AFF3: variants seen among roughly 807,000 people sequenced by gnomAD.
AFF3 encodes AF4/FMR2 family member 3.
A neutral mutation model predicts 129.7 loss-of-function variants in AFF3; 32 were observed. That is an observed-to-expected ratio of 0.25 (90% CI 0.19 to 0.33). The LOEUF (loss-of-function observed/expected upper bound fraction) is 0.33. Among genes scored for constraint, AFF3 ranks in the 10% least tolerant of loss-of-function variants. The probability of loss-of-function intolerance (pLI) is 1.00; values close to 1 mark genes in which losing one functional copy is unlikely to be tolerated. For synonymous variants in AFF3, 644 were observed against 635.4 expected (o/e 1.01, Z -0.20); for missense variants, 1,373 against 1,592.0 (o/e 0.86, Z 2.34).
intron 8 of AFF3, among the ~76,000 whole-genome samples, chr2:99,752,702 A>G (rs1269583511): frequency 2.0e-5 from 3 of 152,222 alleles, no homozygotes; most frequent in African/African-American, 7.2e-5. Flanking sequence ...AACTTTATGA[A>G]TCTTTATTAG....
At chr2:99,726,272 CA>C (rs1196275089) in intron 11 of AFF3, among the ~76,000 whole-genome samples, 6 of 152,256 alleles carry the variant, frequency 3.9e-5, no homozygotes, top group Middle Eastern at 3.4e-3. Flanking sequence ...AACTGATTTC[CA>C]ATCAACAGCA....
At chr2:99,994,820 C>T (rs1257936621) in intron 7 of AFF3, among the ~76,000 whole-genome samples, 1 of 152,088 alleles carries the variant, frequency 6.6e-6, no homozygotes, top group African/African-American at 2.4e-5. Context: ...CACTGATCTG[C>T]CTGACATCAT....
At chr2:99,554,147 G>A (rs1187100043) in intron 24 of AFF3, among the ~76,000 whole-genome samples, 164 bp downstream of exon 24, 1 of 152,124 alleles carries the variant, frequency 6.6e-6, no homozygotes, top group East Asian at 1.9e-4. Context: ...CATAAAGGGT[G>A]TTTTTGAACT....
At chr2:100,078,273 C>T (rs1445688882) in intron 4 of AFF3, among the ~76,000 whole-genome samples, 1 of 152,164 alleles carries the variant, frequency 6.6e-6, no homozygotes, top group Non-Finnish European at 1.5e-5. Context: ...GCAGAAGATA[C>T]TGTAAGCGAA....
At chr2:99,960,225 T>C (rs1005971336) in intron 7 of AFF3, among the ~76,000 whole-genome samples, 1 of 152,186 alleles carries the variant, frequency 6.6e-6, no homozygotes, top group Non-Finnish European at 1.5e-5. Context: ...AAAATCCTTC[T>C]TTGATGGGCA....
intron 8 of AFF3, among the ~76,000 whole-genome samples, chr2:99,816,201 T>C (rs1303074257): frequency 6.6e-6 from 1 of 152,214 alleles, no homozygotes. Flanking sequence ...TATTTGGCTC[T>C]CTCTTGTAGT....
chr2:100,063,252 CAAAAA>C (rs33964775), intron 4 of AFF3, among the ~76,000 whole-genome samples: 1 of 101,814 alleles, frequency 9.8e-6, no homozygotes, highest in Admixed American at 1.2e-4. Flanking sequence ...AACTCCATCT[CAAAAA>C]AAAAAAAAAA....
At chr2:99,594,962 TG>T (rs1679140610) in intron 14 of AFF3, among the ~76,000 whole-genome samples, 1 of 152,210 alleles carries the variant, frequency 6.6e-6, no homozygotes, top group South Asian at 2.1e-4. Flanking sequence ...GGAGGTGAGA[TG>T]GAACACTTTC....
chr2:99,599,141 T>G (rs1679571767), intron 14 of AFF3, among the ~76,000 whole-genome samples: 1 of 152,256 alleles, frequency 6.6e-6, no homozygotes, highest in Admixed American at 6.5e-5. Flanking sequence ...TGATAGCTGC[T>G]GGAAGAAATG....
At chr2:99,740,822 G>T (rs1214196007) in intron 10 of AFF3, among the ~76,000 whole-genome samples, 1 of 152,080 alleles carries the variant, frequency 6.6e-6, no homozygotes, top group Admixed American at 6.6e-5. Flanking sequence ...AGTTTAATTA[G>T]ATGCCATTTG....
chr2:99,829,197 G>A (rs1688332010), intron 8 of AFF3, among the ~76,000 whole-genome samples: 1 of 152,060 alleles, frequency 6.6e-6, no homozygotes, highest in Non-Finnish European at 1.5e-5. Context: ...AATAAAACCA[G>A]AAAAATACCA....
chr2:99,894,139 A>C (rs1693763887), intron 7 of AFF3, among the ~76,000 whole-genome samples: 1 of 152,152 alleles, frequency 6.6e-6, no homozygotes, highest in Non-Finnish European at 1.5e-5. Flanking sequence ...ACTAGGCATA[A>C]ATGGGTTAAA....
At chr2:99,914,310 A>G (rs1184511839) in intron 7 of AFF3, among the ~76,000 whole-genome samples, 2 of 152,220 alleles carry the variant, frequency 1.3e-5, no homozygotes, top group African/African-American at 4.8e-5. Flanking sequence ...AAACTGAAGA[A>G]AAGTCTGAAA....
At chr2:99,613,456 T>C (rs1681123160) in intron 13 of AFF3, among the ~76,000 whole-genome samples, 1 of 152,160 alleles carries the variant, frequency 6.6e-6, no homozygotes, top group East Asian at 1.9e-4. Flanking sequence ...AATTTTTGAA[T>C]TTTTTTCCCA....
chr2:99,594,336 C>A, intron 14 of AFF3, 47 bp from the exon 15 acceptor site: 1 of 1,558,980 alleles, frequency 6.4e-7, no homozygotes, highest in South Asian at 1.2e-5. Context: ...TCATTACAGG[C>A]TCACTTAAAA....
chr2:99,611,843 C>A (rs971064890), intron 13 of AFF3, among the ~76,000 whole-genome samples: 2 of 151,216 alleles, frequency 1.3e-5, no homozygotes, highest in African/African-American at 4.9e-5. Context: ...GCTGAGGTTG[C>A]GTTACTGCAC....
intron 13 of AFF3, among the ~76,000 whole-genome samples, chr2:99,615,205 T>C (rs1681297528): frequency 6.6e-6 from 1 of 152,130 alleles, no homozygotes. Flanking sequence ...TGTACGAACA[T>C]GAATTAGGCT....
In AFF3 at chr2:99,794,197, C is replaced by G. The variant is rs1384673137; in HGVS notation, c.922-41896G>C. On this transcript the variant is annotated intron_variant, in intron 8 of 24. Transcript: ENST00000672756. ...TCTATTTTCCTTTTGCTATGGGTCA[C>G]ATTTGCTGCTTCTTTTTCTTACAAT... Among the ~76,000 whole-genome samples the G allele has an allele frequency of 2.0e-5, 3 of 152,216 alleles. No individual in the cohort carries two copies. In the South Asian group the frequency reaches 6.2e-4, roughly 31 times the overall value.
intron 14 of AFF3, among the ~76,000 whole-genome samples, chr2:99,598,547 A>C (rs1679514261): frequency 6.6e-6 from 1 of 152,200 alleles, no homozygotes; most frequent in Admixed American, 6.5e-5. Context: ...CTCCTACGCA[A>C]CCCAGCTGAG....
Sources: allele counts gnomAD v4.1 joint callset (sites outside exome capture counted in the v4.1 genomes callset), GRCh38; gene constraint gnomAD v4.1.1; transcripts MANE v1.5; gene names NCBI Gene and HGNC (gene_info 2026-07-23, HGNC 2026-07-21).